TBC1D12: variants seen among roughly 807,000 people sequenced by gnomAD.
TBC1D12 encodes the protein TBC1 domain family member 12, also known as TBC1 domain family, member 12.
Under a neutral mutation model 86.7 loss-of-function variants are expected in TBC1D12, and 56 were observed. The ratio of observed to expected loss-of-function variants is 0.65; its 90% CI spans 0.52 to 0.81. The LOEUF is 0.81. TBC1D12 is among the 30% of genes least tolerant of loss of function. The pLI, the probability that TBC1D12 is intolerant of heterozygous loss-of-function variation, is 0.00. For missense variants in TBC1D12, 1,023 were observed against 1,038.8 expected (o/e 0.98, Z 0.21); for synonymous variants, 421 against 411.7 (o/e 1.02, Z -0.27).
At chr10:94,522,538 CAT>C (rs1033989092) in intron 11 of TBC1D12, 85 bp downstream of exon 11, 35 of 604,940 alleles carry the variant, frequency 5.8e-5, no homozygotes, top group African/African-American at 2.2e-4. Context: ...GAGTAAATCT[CAT>C]GTGCAGGATT....
At chr10:94,469,873 A>G (rs1276496203) in intron 2 of TBC1D12, among the ~76,000 whole-genome samples, 1 of 152,164 alleles carries the variant, frequency 6.6e-6, no homozygotes, top group Non-Finnish European at 1.5e-5. Flanking sequence ...CCTGATGTTC[A>G]GTATTGCCTC....
intron 2 of TBC1D12, among the ~76,000 whole-genome samples, chr10:94,451,766 C>T (rs1051593416): frequency 4.6e-5 from 7 of 151,998 alleles, no homozygotes; most frequent in African/African-American, 1.7e-4. Context: ...GATGTGAAAA[C>T]ATATAATATT....
At chr10:94,468,489 T>G (rs187097826) in intron 2 of TBC1D12, among the ~76,000 whole-genome samples, 46 of 152,326 alleles carry the variant, frequency 3.0e-4, no homozygotes, top group African/African-American at 1.1e-3. Flanking sequence ...CATTTTTTTT[T>G]CCTTCAGCAG....
In TBC1D12 at chr10:94,423,714, G is replaced by A. The variant is rs138230731; in HGVS notation, c.972-18182G>A. On this transcript the variant is annotated intron_variant, in intron 1 of 12. Coordinates refer to ENST00000225235, the MANE Select transcript of TBC1D12 (RefSeq NM_015188.2). Reference sequence around the variant, plus strand: ...ATTAAAAAACTTGGGGGGTCTGCTTGTCTTAGCCTGTGTATGAATTTTTCT... The same window carrying A: ...ATTAAAAAACTTGGGGGGTCTGCTTATCTTAGCCTGTGTATGAATTTTTCT... Among the ~76,000 whole-genome samples the A allele has an allele frequency of 3.2e-3, 480 of 152,204 alleles. 2 individuals are homozygous for A. The highest frequency in any genetic ancestry group is 0.011 in the African/African-American group (463 of 41,524).
chr10:94,528,660 A>T, intron 11 of TBC1D12, among the ~76,000 whole-genome samples: 1 of 152,040 alleles, frequency 6.6e-6, no homozygotes, highest in East Asian at 1.9e-4. Flanking sequence ...TGTCTCTACT[A>T]AAAATACAAA....
Position 94,402,946 on chromosome 10 carries a change from G to A in TBC1D12, c.333G>A (p.Leu111=). The A allele has an allele frequency of 6.4e-7, 1 of 1,562,888 alleles. No homozygotes were observed. Among genetic ancestry groups the A allele is most frequent in the Non-Finnish European group, 8.6e-7 (1 of 1,159,632 alleles). ...SAAPRSDACL[L]GSGSKHRGAE... is the part of the protein sequence containing the mutation. ...CCCCACGATCGGACGCCTGCCTGCT[G>A]GGCTCGGGCTCCAAACACCGCGGCG... Residue 111 remains leucine (L), a synonymous_variant, in exon 1 of 13, where the codon CTG becomes CTA. Coordinates refer to ENST00000225235, the MANE Select transcript of TBC1D12 (RefSeq NM_015188.2).
chr10:94,418,715 T>TGCACGCCAC (rs1435240093), intron 1 of TBC1D12, among the ~76,000 whole-genome samples: 2 of 129,818 alleles, frequency 1.5e-5, no homozygotes. Context: ...GGGATTACAG[T>TGCACGCCAC]CACATGCCAC....
At chr10:94,503,894 G>C (rs2056429642) in intron 6 of TBC1D12, among the ~76,000 whole-genome samples, 1 of 152,232 alleles carries the variant, frequency 6.6e-6, no homozygotes, top group Non-Finnish European at 1.5e-5. Flanking sequence ...CAAAGTGCTG[G>C]GCTTACAGGC....
intron 1 of TBC1D12, among the ~76,000 whole-genome samples, chr10:94,422,115 T>C (rs1256341549): frequency 6.6e-6 from 1 of 151,906 alleles, no homozygotes; most frequent in African/African-American, 2.4e-5. Flanking sequence ...TAGCTATCTG[T>C]AGCACAGGCA....
chr10:94,521,042 T>A (rs1842137920), intron 9 of TBC1D12, among the ~76,000 whole-genome samples: 1 of 151,798 alleles, frequency 6.6e-6, no homozygotes, highest in South Asian at 2.1e-4. Flanking sequence ...CTTTTTTTTT[T>A]AATTAAACAA....
chr10:94,431,254 A>G (rs959774190), intron 1 of TBC1D12, among the ~76,000 whole-genome samples: 1 of 152,010 alleles, frequency 6.6e-6, no homozygotes, highest in Non-Finnish European at 1.5e-5. Flanking sequence ...GTCTCTACTA[A>G]AAATACAAAA....
At chr10:94,519,166 G>C (rs1430441538) in intron 9 of TBC1D12, among the ~76,000 whole-genome samples, 1 of 152,214 alleles carries the variant, frequency 6.6e-6, no homozygotes, top group Non-Finnish European at 1.5e-5. Flanking sequence ...TTAGCAGTAT[G>C]TAAAATAATG....
intron 9 of TBC1D12, among the ~76,000 whole-genome samples, chr10:94,513,009 GAGGCCT>G (rs1426630184): frequency 6.6e-6 from 1 of 152,132 alleles, no homozygotes; most frequent in East Asian, 1.9e-4. Flanking sequence ...AGCACTTTGG[GAGGCCT>G]AGGCGGGCAG....
intron 2 of TBC1D12, among the ~76,000 whole-genome samples, chr10:94,465,670 A>ATGTGTGTGTGTGTG (rs34828664): frequency 1.6e-4 from 22 of 137,962 alleles, no homozygotes; most frequent in South Asian, 6.9e-4. Flanking sequence ...ATATATATAT[A>ATGTGTGTGTGTGTG]TGTGTGTGTG....
At position 94,536,271 on chromosome 10, in the gene TBC1D12, A is replaced by AAT. The variant is rs1483347070; in HGVS notation, c.*3184_*3185dup. ...TGGTGTTTCATTTGTTTGTCTACTC[A>AAT]ATATATATATTTCTTACTTAATGTT... is the stretch of plus-strand genomic sequence containing the variant. On this transcript the variant is annotated 3_prime_UTR_variant, in exon 13 of 13. Transcript: ENST00000225235. Among the ~76,000 whole-genome samples the AAT allele has an allele frequency of 6.6e-6, 1 of 152,084 alleles. No homozygotes were observed. Among genetic ancestry groups the AAT allele is most frequent in the Non-Finnish European group, 1.5e-5 (1 of 67,990 alleles).
In TBC1D12 at chr10:94,533,539, A is replaced by T. The variant is rs1422841430; in HGVS notation, c.*443A>T. ...TGTTTCCAGTTCTGACCTTTTGAAG[A>T]TATTATAGACCAGTAATGAACAGAT... On this transcript the variant is annotated 3_prime_UTR_variant, in exon 13 of 13. Coordinates refer to ENST00000225235, the MANE Select transcript of TBC1D12 (RefSeq NM_015188.2). 1 of 153,516 alleles carries T rather than the reference A, an allele frequency of 6.5e-6. No homozygotes were observed. The highest frequency in any genetic ancestry group is 1.4e-5 in the Non-Finnish European group (1 of 69,084). The allele number at this position is 153,516 out of a possible 1,614,324, so 9.5% of individuals were successfully genotyped here. A position where few individuals can be genotyped will look rare whatever the true frequency, so the allele number is the denominator to read the frequency against.
intron 2 of TBC1D12, among the ~76,000 whole-genome samples, chr10:94,447,024 G>C (rs34156870): frequency 0.019 from 2,773 of 148,816 alleles, 28 homozygotes; most frequent in Non-Finnish European, 0.029. Context: ...AGTGAGCCGA[G>C]GTCGTGCCAC....
In TBC1D12 at chr10:94,474,763, G is replaced by A. The variant is rs755507313; in HGVS notation, c.1191G>A (p.Leu397=). The A allele has an allele frequency of 2.5e-6, 4 of 1,613,954 alleles. No homozygotes were observed. In the East Asian group the frequency reaches 8.9e-5, roughly 36 times the overall value. Residue 397 remains leucine, a synonymous_variant, in exon 3 of 13, where the codon TTG becomes TTA. Transcript: ENST00000225235. ...FEFEPLSTTA[L]ILEDRPSNLP... is the part of the protein sequence containing the mutation. ...TTGAGCCGCTTTCTACCACTGCCTT[G>A]ATTCTTGAGGATCGACCATCGTAAG...
At chr10:94,495,939 T>C (rs2056314490) in intron 4 of TBC1D12, among the ~76,000 whole-genome samples, 1 of 151,994 alleles carries the variant, frequency 6.6e-6, no homozygotes, top group Non-Finnish European at 1.5e-5. Flanking sequence ...CTGTCTCTAC[T>C]AAAAATACAA....
Sources: gnomAD v4.1 joint callset for allele counts (sites outside exome capture counted in the v4.1 genomes callset) on GRCh38, gnomAD v4.1.1 for gene constraint, MANE v1.5 for transcripts, NCBI Gene and HGNC (gene_info 2026-07-23, HGNC 2026-07-21) for gene names.